HECW1: variants seen among roughly 807,000 people sequenced by gnomAD.
HECW1 encodes HECT, C2 and WW domain containing E3 ubiquitin protein ligase 1.
A neutral mutation model predicts 182.3 loss-of-function variants in HECW1; 61 were observed. The observed-to-expected ratio is 0.33, with a 90% CI of 0.27 to 0.41. The LOEUF is 0.41. Ranked by LOEUF, HECW1 falls within the 10% of genes least tolerant of loss-of-function variation. The pLI, the probability that HECW1 is intolerant of heterozygous loss-of-function variation, is 1.00. For missense variants in HECW1, 1,739 were observed against 2,108.9 expected (o/e 0.82, Z 3.44); for synonymous variants, 859 against 832.6 (o/e 1.03, Z -0.55).
intron 2 of HECW1, chr7:43,119,040 C>T (rs1785323521): frequency 6.6e-6 from 1 of 152,368 alleles, no homozygotes; most frequent in Admixed American, 6.5e-5. Flanking sequence ...TTGATTTTGA[C>T]AAACAGCACA....
At chr7:43,343,261 A>T (rs1813246837) in intron 5 of HECW1, among the ~76,000 whole-genome samples, 1 of 98,370 alleles carries the variant, frequency 1.0e-5, no homozygotes, top group Non-Finnish European at 2.3e-5. Flanking sequence ...TCTGGGCAAC[A>T]GTATTCTTTT....
intron 2 of HECW1, among the ~76,000 whole-genome samples, chr7:43,242,269 C>T (rs530524292): frequency 5.3e-5 from 8 of 152,182 alleles, no homozygotes; most frequent in South Asian, 2.1e-4. Flanking sequence ...ACGAGGAGGC[C>T]GGTTAGGCTC....
intron 2 of HECW1, among the ~76,000 whole-genome samples, chr7:43,162,571 C>A (rs1291487105): frequency 6.6e-6 from 1 of 152,242 alleles, no homozygotes; most frequent in East Asian, 1.9e-4. Flanking sequence ...TACATATGCA[C>A]CCTTTTCCCA....
At chr7:43,124,122 G>A (rs1562569337) in intron 2 of HECW1, among the ~76,000 whole-genome samples, 2 of 152,164 alleles carry the variant, frequency 1.3e-5, no homozygotes, top group Non-Finnish European at 2.9e-5. Context: ...GTGTTCATTT[G>A]TGTCTACTAA....
In HECW1 at chr7:43,444,774, C is replaced by T. The variant is rs751556260; in HGVS notation, c.1602C>T (p.Pro534=). The stretch of plus-strand genomic sequence containing the variant: ...CCTCGGTGAAGAGAAAAAGCAGGCC[C>T]TGCTCCTTGCCTGTGTCCGAGCTGG... The part of the protein sequence containing the change: ...LRASVKRKSR[P]CSLPVSELET... Residue 534 remains proline, a synonymous_variant, in exon 11 of 30, where the codon CCC becomes CCT. Coordinates refer to ENST00000395891, the MANE Select transcript of HECW1 (RefSeq NM_015052.5). The surrounding 1 kb of genome is among the most constrained non-coding windows in gnomAD (Gnocchi z 4.3). 5.6e-6 allele frequency: 9 copies of T among 1,614,124 alleles called. No individual in the cohort carries two copies. The highest frequency in any genetic ancestry group is 7.6e-6 in the Non-Finnish European group (9 of 1,180,004).
chr7:43,270,275 T>G (rs1421853114), intron 3 of HECW1, among the ~76,000 whole-genome samples: 1 of 152,184 alleles, frequency 6.6e-6, no homozygotes, highest in Non-Finnish European at 1.5e-5. Context: ...AGGTTGTAAG[T>G]CAGATGTCAG....
chr7:43,384,127 T>C (rs1309752326), intron 6 of HECW1, among the ~76,000 whole-genome samples: 2 of 152,140 alleles, frequency 1.3e-5, no homozygotes, highest in Non-Finnish European at 2.9e-5. Flanking sequence ...ACTGAAAAAA[T>C]TCATGTGTAA....
chr7:43,504,952 T>C (rs1350475420), intron 21 of HECW1, among the ~76,000 whole-genome samples: 1 of 152,184 alleles, frequency 6.6e-6, no homozygotes, highest in Admixed American at 6.5e-5. Context: ...AGCGGGCAGT[T>C]CTCAGCCTTC....
chr7:43,382,344 A>G (rs905528727), intron 6 of HECW1, among the ~76,000 whole-genome samples: 31 of 152,174 alleles, frequency 2.0e-4, no homozygotes, highest in Non-Finnish European at 4.0e-4. Flanking sequence ...AGTGTGTCTG[A>G]GGATGCGGTG....
intron 2 of HECW1, among the ~76,000 whole-genome samples, chr7:43,238,004 T>A (rs1400392076): frequency 6.6e-6 from 1 of 152,196 alleles, no homozygotes; most frequent in Admixed American, 6.5e-5. Context: ...CCCATCATAT[T>A]GCTTTTTGTA....
At chr7:43,298,529 G>A (rs188866968) in intron 3 of HECW1, among the ~76,000 whole-genome samples, 1 of 152,300 alleles carries the variant, frequency 6.6e-6, no homozygotes, top group African/African-American at 2.4e-5. Flanking sequence ...GACATGATGA[G>A]TTTATCTCTG....
chr7:43,279,321 C>A (rs1562775489), intron 3 of HECW1, among the ~76,000 whole-genome samples: 1 of 152,164 alleles, frequency 6.6e-6, no homozygotes. Context: ...GATTACCTTA[C>A]AGTTTCAATT....
Position 43,444,748 on chromosome 7 carries a change from G to A in HECW1, c.1576G>A (p.Ala526Thr), listed in dbSNP as rs774721117. The A allele has an allele frequency of 2.5e-5, 41 of 1,613,860 alleles. No homozygotes were observed. The highest frequency in any genetic ancestry group is 3.5e-5 in the Non-Finnish European group (41 of 1,179,870). ...GGGAGAGGGCAGGCTGCAGCTGCGG[G>A]CCTCGGTGAAGAGAAAAAGCAGGCC... ...EQGEGRLQLR[A>T]SVKRKSRPCS... The change falls in exon 11 of 30, where the codon GCC becomes ACC. Residue 526 changes from alanine (A) to threonine (T), a missense_variant. Transcript: ENST00000395891. The surrounding 1 kb of genome is among the most constrained non-coding windows in gnomAD (Gnocchi z 4.3).
intron 6 of HECW1, among the ~76,000 whole-genome samples, chr7:43,396,184 T>G (rs10487680): frequency 0.056 from 8,555 of 152,290 alleles, 329 homozygotes; most frequent in South Asian, 0.11. Context: ...TTACTAAATA[T>G]TGAGCAATGA....
intron 17 of HECW1, among the ~76,000 whole-genome samples, chr7:43,486,757 G>A (rs537219474): frequency 3.3e-5 from 5 of 152,282 alleles, no homozygotes; most frequent in East Asian, 1.9e-4. Flanking sequence ...ATCACTGTAT[G>A]AACAATATGT....
intron 3 of HECW1, among the ~76,000 whole-genome samples, chr7:43,252,391 G>T (rs935030161): frequency 1.3e-5 from 2 of 152,174 alleles, no homozygotes; most frequent in Admixed American, 1.3e-4. Context: ...TTACACCCAA[G>T]AACTGGCAGC....
chr7:43,534,327 C>T (rs1270516738), intron 24 of HECW1, among the ~76,000 whole-genome samples: 5 of 152,104 alleles, frequency 3.3e-5, no homozygotes, highest in Non-Finnish European at 7.4e-5. Context: ...ACAAAAACTG[C>T]TTTCGTTTAA....
intron 2 of HECW1, among the ~76,000 whole-genome samples, chr7:43,127,734 T>G (rs1466087971): frequency 1.3e-5 from 2 of 152,112 alleles, no homozygotes; most frequent in East Asian, 3.9e-4. Context: ...CTAGCAGAAG[T>G]TGGTTCATTA....
At chr7:43,274,180 A>G (rs1802788811) in intron 3 of HECW1, 6 of 461,320 alleles carry the variant, frequency 1.3e-5, no homozygotes, top group African/African-American at 2.0e-5. Flanking sequence ...GGGTGCACTA[A>G]AAGAGTACAA....
Sources: allele counts gnomAD v4.1 joint callset (sites outside exome capture counted in the v4.1 genomes callset), GRCh38; gene constraint gnomAD v4.1.1; non-coding constraint Gnocchi (gnomAD v3.1); transcripts MANE v1.5; gene names NCBI Gene and HGNC (gene_info 2026-07-23, HGNC 2026-07-21).